Variants in MAML3 observed in about 807,000 individuals in gnomAD.
MAML3 encodes the protein mastermind-like protein 3.
Under a neutral mutation model 101.9 loss-of-function variants are expected in MAML3, and 27 were observed. That is an observed-to-expected ratio of 0.27 (90% CI 0.20 to 0.37). The LOEUF (loss-of-function observed/expected upper bound fraction) is 0.37, where lower values mean the gene tolerates loss of function less well. Among genes scored for constraint, MAML3 ranks in the 10% least tolerant of loss-of-function variants. MAML3 has a pLI of 1.00. For missense variants in MAML3, 1,316 were observed against 1,444.9 expected (o/e 0.91, Z 1.45); for synonymous variants, 501 against 555.9 (o/e 0.90, Z 1.39).
intron 1 of MAML3, among the ~76,000 whole-genome samples, chr4:140,125,193 T>C (rs1224844346): frequency 1.3e-5 from 2 of 152,204 alleles, no homozygotes; most frequent in Non-Finnish European, 2.9e-5. Context: ...ATAAATGATA[T>C]ATACTGAATA....
At chr4:140,090,286 C>A (rs576994057) in intron 1 of MAML3, among the ~76,000 whole-genome samples, 1 of 152,138 alleles carries the variant, frequency 6.6e-6, no homozygotes, top group South Asian at 2.1e-4. Flanking sequence ...TGAACTCTAG[C>A]GGAAATGATT....
chr4:140,063,477 C>T (rs1727483056), intron 1 of MAML3, among the ~76,000 whole-genome samples: 1 of 152,190 alleles, frequency 6.6e-6, no homozygotes, highest in South Asian at 2.1e-4. Flanking sequence ...CCCTGTCCTC[C>T]TCCCACACAC....
In MAML3 at chr4:139,842,292, C is replaced by T. The variant is rs970372942; in HGVS notation, c.2079+47065G>A. Among the ~76,000 whole-genome samples, 10 of 152,174 alleles carry T rather than the reference C, an allele frequency of 6.6e-5. No homozygotes were observed. In the South Asian group the frequency reaches 1.0e-3, roughly 16 times the overall value. Reference sequence around the variant, plus strand: ...AAAAGGGAAGGTTGTTTTATTCATGCGAACATACCTGCTTTTTAATAAAAC... The same window carrying T: ...AAAAGGGAAGGTTGTTTTATTCATGTGAACATACCTGCTTTTTAATAAAAC... On this transcript the variant is annotated intron_variant, in intron 2 of 4. Transcript: ENST00000509479.
intron 1 of MAML3, among the ~76,000 whole-genome samples, chr4:139,891,479 T>A (rs545519224): frequency 6.6e-6 from 1 of 152,168 alleles, no homozygotes; most frequent in South Asian, 2.1e-4. Context: ...GGTTTCACCC[T>A]GTTGGCTAGG....
chr4:139,879,796 G>C (rs1002491128), intron 2 of MAML3, among the ~76,000 whole-genome samples: 1 of 152,198 alleles, frequency 6.6e-6, no homozygotes, highest in East Asian at 1.9e-4. Context: ...ACCACTGTTC[G>C]ATGGGTTATC....
At chr4:139,964,286 C>A (rs1264780191) in intron 1 of MAML3, among the ~76,000 whole-genome samples, 1 of 152,126 alleles carries the variant, frequency 6.6e-6, no homozygotes, top group African/African-American at 2.4e-5. Context: ...ATGTCCTTTG[C>A]AGGGGCATGG....
At chr4:140,010,868 C>T (rs532874090) in intron 1 of MAML3, among the ~76,000 whole-genome samples, 8 of 151,916 alleles carry the variant, frequency 5.3e-5, no homozygotes, top group Admixed American at 3.3e-4. Flanking sequence ...CTTGGGAGGC[C>T]GAGGCAGGCA....
At position 140,152,847 on chromosome 4, in the gene MAML3, C is replaced by T; in HGVS notation, c.468+13G>A. The T allele has an allele frequency of 1.9e-6, 3 of 1,604,532 alleles. No homozygotes were observed. In the South Asian group the frequency reaches 3.3e-5, roughly 18 times the overall value. On this transcript the variant is annotated intron_variant, in intron 1 of 4. Transcript: ENST00000509479. ...CAACGCGCGCCGCAAGCCCGCTGCC[C>T]GTGCGCCCTCACCATGATCAGCGTG...
chr4:139,848,703 C>T (rs1331971567), intron 2 of MAML3, among the ~76,000 whole-genome samples: 1 of 152,030 alleles, frequency 6.6e-6, no homozygotes, highest in Non-Finnish European at 1.5e-5. Context: ...TATAAATAAA[C>T]ACAAAAGAAG....
intron 1 of MAML3, among the ~76,000 whole-genome samples, chr4:140,152,244 C>G (rs892336034): frequency 2.6e-5 from 4 of 152,236 alleles, no homozygotes; most frequent in Non-Finnish European, 5.9e-5. Context: ...CGTTTCTCAC[C>G]CACTTCAAAG....
At chr4:139,825,080 C>T (rs996196989) in intron 2 of MAML3, among the ~76,000 whole-genome samples, 3 of 152,148 alleles carry the variant, frequency 2.0e-5, no homozygotes, top group Admixed American at 6.5e-5. Context: ...CTTTTGGTGT[C>T]GGCTTATCAA....
At chr4:139,738,377 C>T (rs551537314) in intron 2 of MAML3, among the ~76,000 whole-genome samples, 28 of 152,294 alleles carry the variant, frequency 1.8e-4, no homozygotes, top group South Asian at 4.1e-4. Context: ...AACCCCATCT[C>T]TACTAAAATA....
intron 1 of MAML3, among the ~76,000 whole-genome samples, chr4:139,919,779 A>C (rs1733090111): frequency 6.6e-6 from 1 of 152,196 alleles, no homozygotes; most frequent in East Asian, 1.9e-4. Flanking sequence ...ATTTGTTTTC[A>C]TGGGATTAAG....
intron 2 of MAML3, among the ~76,000 whole-genome samples, chr4:139,875,180 A>G (rs575268041): frequency 3.3e-5 from 5 of 152,202 alleles, no homozygotes; most frequent in East Asian, 3.9e-4. Flanking sequence ...CAAGTTCTGA[A>G]GTGGTAAAGT....
intron 1 of MAML3, among the ~76,000 whole-genome samples, chr4:140,152,060 C>A (rs974887796): frequency 1.3e-5 from 2 of 152,194 alleles, no homozygotes; most frequent in African/African-American, 4.8e-5. Flanking sequence ...CCTCTTGGCG[C>A]AAACCCTGGG....
At chr4:140,015,398 T>C (rs1726626218) in intron 1 of MAML3, among the ~76,000 whole-genome samples, 1 of 152,160 alleles carries the variant, frequency 6.6e-6, no homozygotes, top group Non-Finnish European at 1.5e-5. Context: ...TTTCTTAAGG[T>C]AAAAAATAAT....
intron 1 of MAML3, among the ~76,000 whole-genome samples, chr4:140,122,219 A>C (rs6850180): frequency 0.98 from 139,024 of 141,214 alleles, 68,456 homozygotes; most frequent in South Asian, 1. Flanking sequence ...ATCAAACGAG[A>C]CTTTTTTTTT....
At chr4:139,853,482 T>G (rs1731597179) in intron 2 of MAML3, among the ~76,000 whole-genome samples, 1 of 151,968 alleles carries the variant, frequency 6.6e-6, no homozygotes, top group African/African-American at 2.4e-5. Context: ...ATTATGGAGA[T>G]GGAGATGGCC....
intron 1 of MAML3, among the ~76,000 whole-genome samples, chr4:140,092,120 G>GATATATATATATATCATA (rs1728070254): frequency 7.5e-6 from 1 of 134,156 alleles, no homozygotes; most frequent in Non-Finnish European, 1.6e-5. Context: ...ATATATATAC[G>GATATATATATATATCATA]TATATATATA....
Sources: gnomAD v4.1 joint callset for allele counts (sites outside exome capture counted in the v4.1 genomes callset) on GRCh38, gnomAD v4.1.1 for gene constraint, MANE v1.5 for transcripts, NCBI Gene and HGNC (gene_info 2026-07-23, HGNC 2026-07-21) for gene names.